The following WDR20 variants were observed in gnomAD, a reference collection of about 807,000 sequenced individuals.
WDR20 encodes WD repeat domain 20.
A neutral mutation model predicts 38.7 loss-of-function variants in WDR20; 3 were observed. That is an observed-to-expected ratio of 0.08 (90% CI 0.04 to 0.20). The LOEUF is 0.20. WDR20 is among the 10% of genes least tolerant of loss of function. The pLI, the probability that WDR20 is intolerant of heterozygous loss-of-function variation, is 1.00. For missense variants in WDR20, 559 were observed against 727.7 expected (o/e 0.77, Z 2.67); for synonymous variants, 298 against 285.6 (o/e 1.04, Z -0.44).
chr14:102,158,820 C>CT (rs1228686007), intron 1 of WDR20, among the ~76,000 whole-genome samples: 3 of 152,146 alleles, frequency 2.0e-5, no homozygotes, highest in African/African-American at 7.2e-5. Flanking sequence ...ACCTCCCCGA[C>CT]TCGTTCGCTA....
chr14:102,197,334 C>T (rs570868431), intron 2 of WDR20, among the ~76,000 whole-genome samples: 1 of 152,312 alleles, frequency 6.6e-6, no homozygotes, highest in African/African-American at 2.4e-5. Context: ...GTACTGGGCA[C>T]GTGTCAGCAC....
rs1024069329 is a variant in WDR20, at chr14:102,209,871, T to C, written c.1701T>C (p.Phe567=). The C allele has an allele frequency of 1.5e-5, 24 of 1,608,230 alleles. No homozygotes were observed. The highest frequency in any genetic ancestry group is 2.0e-5 in the Non-Finnish European group (23 of 1,176,616). ...TWGRPGKVVS[F]NP ...GAAGGCCTGGTAAAGTGGTAAGTTT[T>C]AATCCTTAATGCTGCACCAGATCTA... is the stretch of plus-strand genomic sequence containing the variant. Residue 567 remains phenylalanine (F), a synonymous_variant, in exon 3 of 3, where the codon TTT becomes TTC. Coordinates refer to ENST00000342702, the MANE Select transcript of WDR20 (RefSeq NM_144574.4). This position sits in a 1 kb window ranked among gnomAD's most constrained non-coding sequence, Gnocchi z 6.0.
chr14:102,184,462 G>C (rs2064098411), intron 1 of WDR20, among the ~76,000 whole-genome samples: 1 of 152,178 alleles, frequency 6.6e-6, no homozygotes, highest in African/African-American at 2.4e-5. Context: ...ACAGAAGCTT[G>C]TTATTTCAGC....
At chr14:102,201,288 AAATT>A (rs1481771339) in intron 2 of WDR20, among the ~76,000 whole-genome samples, 2 of 152,126 alleles carry the variant, frequency 1.3e-5, no homozygotes, top group Non-Finnish European at 2.9e-5. Context: ...TTTTTGTTAT[AAATT>A]AATATCTGCA....
rs906642616 is a variant in WDR20 at position 102,220,181 on chromosome 14, C to T, written c.1693-2649C>T. The stretch of plus-strand genomic sequence containing the variant: ...CTCTGCGTCTCAGCAGCCGCCCTCC[C>T]CTGGGAGTGATGGAAAGCAGCCGAG... On this transcript the variant is annotated intron_variant, in intron 3 of 3. Coordinates refer to the WDR20 transcript ENST00000335263. The surrounding 1 kb of genome is among the most constrained non-coding windows in gnomAD (Gnocchi z 4.2). 6.6e-6 allele frequency among the ~76,000 whole-genome samples: 1 copy of T among 152,188 alleles called. No individual in the cohort carries two copies. Among genetic ancestry groups the T allele is most frequent in the African/African-American group, 2.4e-5 (1 of 41,444 alleles).
At chr14:102,186,736 G>T (rs901967971) in intron 1 of WDR20, among the ~76,000 whole-genome samples, 1 of 152,074 alleles carries the variant, frequency 6.6e-6, no homozygotes, top group Admixed American at 6.5e-5. Context: ...CGGATCACGA[G>T]GTCAGGAGAT....
In WDR20 at chr14:102,139,934, A is replaced by G. The variant is rs767616468; in HGVS notation, c.11A>G (p.Glu4Gly). 10 of 1,612,590 alleles carry G rather than the reference A, an allele frequency of 6.2e-6. No individual in the cohort carries two copies. Among genetic ancestry groups the G allele is most frequent in the Non-Finnish European group, 7.6e-6 (9 of 1,178,650 alleles). Residue 4 changes from glutamate (E) to glycine (G), a missense_variant, in exon 1 of 3, where the codon GAG becomes GGG. Glu to Gly is a moderately conservative substitution (Grantham distance 98, BLOSUM62 -2). Coordinates refer to ENST00000342702, the MANE Select transcript of WDR20 (RefSeq NM_144574.4). ...ACGCTGCTTTCCAAGATGGCGACGG[A>G]GGGAGGAGGGAAGGAGATGAACGAG... Reference protein sequence around the residue: MATEGGGKEMNEIK... With the variant: MATGGGGKEMNEIK...
At chr14:102,139,673 C>T, upstream of WDR20, 2 of 656,410 alleles carry the variant, frequency 3.0e-6, no homozygotes, top group Non-Finnish European at 2.6e-6. Flanking sequence ...CCATGCCGCC[C>T]GGAGGCCACA....
chr14:102,155,956 G>A (rs866537707), intron 1 of WDR20, among the ~76,000 whole-genome samples: 1,358 of 60,092 alleles, frequency 0.023, 15 homozygotes, highest in African/African-American at 0.075. Context: ...TTTTTTTTTT[G>A]TGGAGACAAA....
downstream of WDR20, among the ~76,000 whole-genome samples, chr14:102,217,200 G>A (rs1361394242): frequency 6.6e-6 from 1 of 152,214 alleles, no homozygotes. Flanking sequence ...AGAGAGGATT[G>A]CAGGGCCAAG....
downstream of WDR20, among the ~76,000 whole-genome samples, chr14:102,217,320 T>G (rs1425568306): frequency 6.6e-6 from 1 of 152,160 alleles, no homozygotes; most frequent in Admixed American, 6.5e-5. Context: ...TTCTCTCTGA[T>G]GCTTTTCTTC....
chr14:102,193,408 G>T (rs1411263731), intron 1 of WDR20: 3 of 1,559,144 alleles, frequency 1.9e-6, no homozygotes, highest in Admixed American at 3.3e-5. Context: ...ATCATGCTTT[G>T]TATTACACTT....
intron 1 of WDR20, among the ~76,000 whole-genome samples, chr14:102,150,864 A>G (rs2055547183): frequency 1.3e-5 from 2 of 152,168 alleles, no homozygotes; most frequent in Non-Finnish European, 2.9e-5. Context: ...CCTGCTCTAT[A>G]TTGTTAAGAA....
At chr14:102,175,627 A>G (rs972723935) in intron 1 of WDR20, among the ~76,000 whole-genome samples, 3 of 152,088 alleles carry the variant, frequency 2.0e-5, no homozygotes, top group Non-Finnish European at 4.4e-5. Context: ...CATTGAATTT[A>G]TAGATTGCTT....
Position 102,222,083 on chromosome 14 carries a change from TCCCCGC to T in WDR20, c.1693-735_1693-730del, listed in dbSNP as rs891304541. Among the ~76,000 whole-genome samples, 1 of 151,750 alleles carries T rather than the reference TCCCCGC, an allele frequency of 6.6e-6. No individual in the cohort carries two copies. Among genetic ancestry groups the T allele is most frequent in the Non-Finnish European group, 1.5e-5 (1 of 67,948 alleles). ...CAGTATTGTAAAATCTGGGTGAGAT[TCCCCGC>T]CCCCGCCCCCGACAGTGAGCCTCTC... On this transcript the variant is annotated intron_variant, in intron 3 of 3. Coordinates refer to the WDR20 transcript ENST00000335263. The surrounding 1 kb of genome is among the most constrained non-coding windows in gnomAD (Gnocchi z 4.4).
At chr14:102,219,301 C>T (rs2063607865), downstream of WDR20, among the ~76,000 whole-genome samples, 1 of 152,262 alleles carries the variant, frequency 6.6e-6, no homozygotes, top group Admixed American at 6.5e-5. Context: ...GAGTCCATCT[C>T]CAGCAAGTGA....
downstream of WDR20, among the ~76,000 whole-genome samples, chr14:102,224,262 G>C (rs1043581974): frequency 1.3e-5 from 2 of 151,766 alleles, no homozygotes; most frequent in African/African-American, 2.4e-5. Context: ...GGATGGTCTC[G>C]ATCTCCTGAC....
intron 1 of WDR20, among the ~76,000 whole-genome samples, chr14:102,184,848 G>A (rs1415366646): frequency 1.3e-5 from 2 of 152,072 alleles, no homozygotes; most frequent in African/African-American, 2.4e-5. Context: ...GCGGCTAAAC[G>A]CAGCCCCTTG....
At chr14:102,212,997 C>A (rs971956676), downstream of WDR20, 8 of 995,004 alleles carry the variant, frequency 8.0e-6, no homozygotes, top group African/African-American at 6.9e-5. Context: ...GTGCACGCTG[C>A]GTGGCTGGAG....
Sources: gnomAD v4.1 joint callset for allele counts (sites outside exome capture counted in the v4.1 genomes callset) on GRCh38, gnomAD v4.1.1 for gene constraint, Gnocchi (gnomAD v3.1) non-coding constraint, MANE v1.5 for transcripts, NCBI Gene and HGNC (gene_info 2026-07-23, HGNC 2026-07-21) for gene names.